The following DLG2 variants were observed in gnomAD, a reference collection of about 807,000 sequenced individuals.
DLG2 encodes disks large homolog 2.
In DLG2, 45 loss-of-function variants were observed where a neutral mutation model predicts 132.5. The ratio of observed to expected loss-of-function variants is 0.34; its 90% confidence interval spans 0.27 to 0.44. The LOEUF is 0.44. Ranked by LOEUF, DLG2 falls within the 20% of genes least tolerant of loss-of-function variation. DLG2 has a pLI of 1.00. For synonymous variants in DLG2, 424 were observed against 419.6 expected (o/e 1.01, Z -0.13); for missense variants, 1,045 against 1,196.9 (o/e 0.87, Z 1.87).
At chr11:84,908,728 A>G (rs1477191080) in intron 6 of DLG2, among the ~76,000 whole-genome samples, 2 of 151,828 alleles carry the variant, frequency 1.3e-5, no homozygotes, top group Non-Finnish European at 2.9e-5. Flanking sequence ...TTTTTTATGT[A>G]TAAGACACCA....
chr11:83,679,438 G>T (rs911606519), intron 18 of DLG2, among the ~76,000 whole-genome samples: 7 of 152,182 alleles, frequency 4.6e-5, no homozygotes, highest in African/African-American at 1.4e-4. Context: ...TTCTCTATTT[G>T]AAATAAAATG....
intron 6 of DLG2, among the ~76,000 whole-genome samples, chr11:84,822,300 A>T (rs755890268): frequency 2.6e-5 from 4 of 151,858 alleles, no homozygotes; most frequent in African/African-American, 4.8e-5. Flanking sequence ...TAAAATCAAG[A>T]CATTTATTAC....
At chr11:84,484,775 C>T (rs2099146707) in intron 7 of DLG2, among the ~76,000 whole-genome samples, 1 of 152,118 alleles carries the variant, frequency 6.6e-6, no homozygotes, top group Admixed American at 6.6e-5. Flanking sequence ...TTTGAATAAT[C>T]TTTCAAGTCA....
intron 8 of DLG2, among the ~76,000 whole-genome samples, chr11:84,200,836 G>T (rs963335086): frequency 3.9e-5 from 6 of 152,174 alleles, no homozygotes; most frequent in Non-Finnish European, 7.4e-5. Flanking sequence ...ATCAGCTTAA[G>T]AAGCTTTAAG....
chr11:84,309,183 C>G (rs2098263242), intron 7 of DLG2, among the ~76,000 whole-genome samples: 1 of 152,138 alleles, frequency 6.6e-6, no homozygotes, highest in East Asian at 1.9e-4. Flanking sequence ...GCACATGCAC[C>G]CCCCGAGCCT....
chr11:83,609,690 G>C (rs1162314869), intron 19 of DLG2, among the ~76,000 whole-genome samples: 2 of 152,098 alleles, frequency 1.3e-5, no homozygotes, highest in Non-Finnish European at 2.9e-5. Context: ...CCTTGGAGTT[G>C]AAATAACCTG....
chr11:83,947,606 T>C (rs2084377770), intron 14 of DLG2, among the ~76,000 whole-genome samples: 1 of 152,200 alleles, frequency 6.6e-6, no homozygotes, highest in Non-Finnish European at 1.5e-5. Context: ...TTAATAATAA[T>C]AATGGCCACC....
intron 11 of DLG2, among the ~76,000 whole-genome samples, chr11:84,016,254 G>A (rs1354527254): frequency 6.6e-6 from 1 of 151,930 alleles, no homozygotes; most frequent in Non-Finnish European, 1.5e-5. Context: ...ACTTGTTTAA[G>A]TTCCTTACAG....
chr11:84,619,726 C>T (rs965101563), intron 6 of DLG2, among the ~76,000 whole-genome samples: 13 of 151,032 alleles, frequency 8.6e-5, no homozygotes, highest in Admixed American at 2.0e-4. Context: ...AAAAAATTCT[C>T]GAAAGTTTTT....
At chr11:85,482,186 G>A (rs1377442638) in intron 3 of DLG2, among the ~76,000 whole-genome samples, 1 of 152,038 alleles carries the variant, frequency 6.6e-6, no homozygotes, top group Non-Finnish European at 1.5e-5. Flanking sequence ...AACTCCTGCA[G>A]CCTTAATGAC....
At chr11:84,016,492 T>G (rs1332330353) in intron 11 of DLG2, among the ~76,000 whole-genome samples, 1 of 152,182 alleles carries the variant, frequency 6.6e-6, no homozygotes, top group East Asian at 1.9e-4. Flanking sequence ...GGTTTTACAT[T>G]TAAGTCCTGA....
At chr11:85,197,764 G>A (rs1247880117) in intron 4 of DLG2, among the ~76,000 whole-genome samples, 5 of 152,092 alleles carry the variant, frequency 3.3e-5, no homozygotes, top group Admixed American at 1.3e-4. Context: ...CTCCATGACC[G>A]AGGAGGCCTC....
intron 3 of DLG2, among the ~76,000 whole-genome samples, chr11:85,286,995 C>T (rs1355463972): frequency 1.3e-5 from 2 of 151,772 alleles, no homozygotes; most frequent in African/African-American, 2.4e-5. Context: ...GCAATTTGAG[C>T]AAAAACAATA....
rs2135833872 is a variant in DLG2, at chr11:83,456,345, A to G, written c.*3473T>C. ...GGCTCCAGGTCAGGGCCTCACGCTC[A>G]GCTTTACTTTCTGGGCTGAGTAGGT... On this transcript the variant is annotated 3_prime_UTR_variant, in exon 28 of 28. Transcript: ENST00000376104. 6.5e-6 allele frequency: 1 copy of G among 152,894 alleles called. No homozygotes were observed. Among genetic ancestry groups the G allele is most frequent in the East Asian group, 1.9e-4 (1 of 5,172 alleles). 9.5% of individuals were successfully genotyped at this position (152,894 alleles called of 1,614,324 possible).
rs568143041 is a variant in DLG2 at position 84,042,087 on chromosome 11, T to A, written c.919+17228A>T. On this transcript the variant is annotated intron_variant, in intron 11 of 27. Transcript: ENST00000376104. ...ATGCCCAGTCTCAGGTATCTCTTTA[T>A]CAGCAGCATGAAAACAGACTTGTAC... 1.1e-4 allele frequency among the ~76,000 whole-genome samples: 17 copies of A among 152,128 alleles called. 1 individual carries two copies. Among genetic ancestry groups the A allele is most frequent in the Admixed American group, 9.2e-4 (14 of 15,240 alleles).
At chr11:83,478,434 CAAGT>C (rs2092803365) in intron 22 of DLG2, among the ~76,000 whole-genome samples, 2 of 152,062 alleles carry the variant, frequency 1.3e-5, no homozygotes, top group Admixed American at 6.6e-5. Flanking sequence ...GAGATGCCTG[CAAGT>C]GTTTCCTTTA....
intron 4 of DLG2, among the ~76,000 whole-genome samples, chr11:85,264,739 T>C (rs564427762): frequency 2.4e-4 from 36 of 152,226 alleles, no homozygotes; most frequent in African/African-American, 7.7e-4. Context: ...TAAGCATCTT[T>C]CTCTCTCAAA....
chr11:84,006,408 T>C (rs1366037912), intron 11 of DLG2, among the ~76,000 whole-genome samples: 3 of 151,676 alleles, frequency 2.0e-5, no homozygotes, highest in South Asian at 4.2e-4. Context: ...AAACAATGTA[T>C]TGTACATTTC....
rs532372923 is a variant in DLG2 at position 85,004,710 on chromosome 11, G to C, written c.357+106951C>G. On this transcript the variant is annotated intron_variant, in intron 6 of 27. Coordinates refer to ENST00000376104, the MANE Select transcript of DLG2 (RefSeq NM_001142699.3). ...TAGTTTTTTTTAATTATTTTGCTATGCAGAAGCTCTTTAGTTTAATTAGAT... is the reference window on the plus strand; with the variant it reads ...TAGTTTTTTTTAATTATTTTGCTATCCAGAAGCTCTTTAGTTTAATTAGAT... Among the ~76,000 whole-genome samples the C allele has an allele frequency of 2.2e-4, 34 of 152,186 alleles. 3 individuals are homozygous for C. The highest frequency in any genetic ancestry group is 8.2e-4 in the African/African-American group (34 of 41,526).
Sources: allele counts gnomAD v4.1 joint callset (sites outside exome capture counted in the v4.1 genomes callset), GRCh38; gene constraint gnomAD v4.1.1; transcripts MANE v1.5; gene names NCBI Gene and HGNC (gene_info 2026-07-23, HGNC 2026-07-21).